The following ATG9B variants were observed in gnomAD, a reference collection of about 807,000 sequenced individuals.
ATG9B encodes autophagy related 9B.
ATG9B carries 92 observed loss-of-function variants against 92.9 expected under a neutral mutation model. The observed-to-expected ratio is 0.99, with a 90% CI of 0.84 to 1.18. ATG9B has a LOEUF of 1.18. Ranked by LOEUF, ATG9B falls within the 50% of genes most tolerant of loss-of-function variation. The pLI, the probability that ATG9B is intolerant of heterozygous loss-of-function variation, is 0.00. For synonymous variants in ATG9B, 599 were observed against 551.4 expected (o/e 1.09, Z -1.21); for missense variants, 1,344 against 1,235.0 (o/e 1.09, Z -1.32).
At chr7:151,023,778 C>T (rs779864415) in intron 1 of ATG9B, 48 bp from the exon 2 acceptor site, 6 of 1,613,390 alleles carry the variant, frequency 3.7e-6, no homozygotes, top group Non-Finnish European at 5.1e-6. Flanking sequence ...GATCAATTCT[C>T]CACGTTCTCA....
rs1432672623 is a variant in ATG9B, at chr7:151,017,875, G to C, written c.2048C>G (p.Pro683Arg). ...GGGCCAGGGAACGGCTCTGACCTGA[G>C]GGTGTCCGTGGCGCTTCACATCCAT... Reference protein sequence around the residue: ...ALMDVKRHGHPQWLSAGQTEA... With the variant: ...ALMDVKRHGHRQWLSAGQTEA... Residue 683 changes from proline to arginine, a missense_variant, in exon 8 of 14, where the codon CCT (proline) becomes CGT (arginine). Transcript: ENST00000639579. 1 of 1,606,196 alleles carries C rather than the reference G, an allele frequency of 6.2e-7. No individual in the cohort carries two copies.
At position 151,021,296 on chromosome 7, in the gene ATG9B, C is replaced by G; in HGVS notation, c.855G>C (p.Leu285=). The change falls in exon 5 of 14, where the codon CTG becomes CTC. Residue 285 remains leucine (L), a synonymous_variant. Coordinates refer to ENST00000639579, the MANE Select transcript of ATG9B (RefSeq NM_001317056.2). Reference sequence around the variant, plus strand: ...CCAGCCAGAAGCCGGCAGCCAGGACCAGGAGGAGGACCAGCAGCGGGCTGG... The same window carrying G: ...CCAGCCAGAAGCCGGCAGCCAGGACGAGGAGGAGGACCAGCAGCGGGCTGG... The part of the protein sequence containing the change: ...IRSSPLLVLL[L]VLAAGFWLVQ... 1 of 1,613,090 alleles carries G rather than the reference C, an allele frequency of 6.2e-7. No individual in the cohort carries two copies. Among genetic ancestry groups the G allele is most frequent in the Non-Finnish European group, 8.5e-7 (1 of 1,179,524 alleles).
chr7:151,014,137 G>C, downstream of ATG9B: 3 of 1,611,078 alleles, frequency 1.9e-6, no homozygotes, highest in Non-Finnish European at 2.5e-6. Flanking sequence ...CTGGGCGTTC[G>C]ACCCTCCCGG....
chr7:151,016,877 C>A, intron 9 of ATG9B, 56 bp from the exon 10 acceptor site: 1 of 1,563,970 alleles, frequency 6.4e-7, no homozygotes, highest in Non-Finnish European at 8.7e-7. Context: ...AGGACAGAAA[C>A]GGAGTAGGGA....
chr7:151,012,376 G>A (rs769964091), downstream of ATG9B: 45 of 1,582,798 alleles, frequency 2.8e-5, no homozygotes, highest in Middle Eastern at 1.7e-4. Flanking sequence ...GCTGCCACCC[G>A]ATCCCAGCTT....
intron 5 of ATG9B, 39 bp from the exon 6 acceptor site, chr7:151,019,413 C>G (rs770956326): frequency 1.3e-6 from 2 of 1,496,046 alleles, no homozygotes; most frequent in Non-Finnish European, 1.8e-6. Flanking sequence ...ACCCCCCATT[C>G]CTCTCCACAG....
downstream of ATG9B, chr7:151,014,346 C>A: frequency 2.8e-6 from 2 of 703,758 alleles, no homozygotes; most frequent in East Asian, 2.8e-5. Flanking sequence ...TTTTCCCTCT[C>A]TAGGCCTGTT....
chr7:151,016,465 G>C lies in ATG9B; in HGVS notation c.2486C>G (p.Ala829Gly). 1 of 1,551,450 alleles carries C rather than the reference G, an allele frequency of 6.4e-7. No individual in the cohort carries two copies. Among genetic ancestry groups the C allele is most frequent in the Non-Finnish European group, 8.7e-7 (1 of 1,146,972 alleles). The change falls in exon 11 of 14, where the codon GCC becomes GGC. Residue 829 changes from alanine (A) to glycine (G), a missense_variant. Coordinates refer to ENST00000639579, the MANE Select transcript of ATG9B (RefSeq NM_001317056.2). ...KLAQLPELAS[A>G]EMSLHVIYLH... ...GTAGATGACATGGAGACTCATCTCGGCAGAAGCAAGTTCTGGGAGCTGGGC... is the reference window on the plus strand; with the variant it reads ...GTAGATGACATGGAGACTCATCTCGCCAGAAGCAAGTTCTGGGAGCTGGGC...
Position 151,018,525 on chromosome 7 carries a change from A to G in ATG9B, c.1719-78T>C. The G allele has an allele frequency of 6.6e-7, 1 of 1,521,238 alleles. No individual in the cohort carries two copies. Among genetic ancestry groups the G allele is most frequent in the Non-Finnish European group, 8.8e-7 (1 of 1,136,662 alleles). 94.2% of individuals were successfully genotyped at this position (1,521,238 alleles called of 1,614,324 possible). Reference sequence around the variant, plus strand: ...GTGGGATGTAGGGCTAGAGGGCCCCAGTGGTGGGAGAGGTAAGGATTCGGG... The same window carrying G: ...GTGGGATGTAGGGCTAGAGGGCCCCGGTGGTGGGAGAGGTAAGGATTCGGG... On this transcript the variant is annotated intron_variant, in intron 6 of 13. Coordinates refer to ENST00000639579, the MANE Select transcript of ATG9B (RefSeq NM_001317056.2). The surrounding 1 kb of genome is among the most constrained non-coding windows in gnomAD (Gnocchi z 4.7).
Position 151,019,285 on chromosome 7 carries a change from G to C in ATG9B, c.1053C>G (p.Pro351=), listed in dbSNP as rs1795659749. Residue 351 remains proline (P), a synonymous_variant, in exon 6 of 14, where the codon CCC becomes CCG. Coordinates refer to ENST00000639579, the MANE Select transcript of ATG9B (RefSeq NM_001317056.2). ...RSGGLCVQPR[P]LTELDIHHRI... ...GGTGGTGGATGTCCAGCTCCGTCAG[G>C]GGCCGCGGCTGCACGCACAGGCCCC... 6.3e-7 allele frequency: 1 copy of C among 1,586,524 alleles called. No individual in the cohort carries two copies. Among genetic ancestry groups the C allele is most frequent in the African/African-American group, 1.3e-5 (1 of 74,472 alleles).
rs768066280 is a variant in ATG9B at position 151,018,937 on chromosome 7, C to T, written c.1401G>A (p.Glu467=). ...GCGCGCCAGGCTCGCGCCGCAGCAG[C>T]TCCACGTGGCTATAGAAGACGTGCA... is the stretch of plus-strand genomic sequence containing the variant. ...QVLHVFYSHV[E]LLRREPGALG... Residue 467 remains glutamate (E), a synonymous_variant, in exon 6 of 14, where the codon GAG becomes GAA. Coordinates refer to ENST00000639579, the MANE Select transcript of ATG9B (RefSeq NM_001317056.2). This position sits in a 1 kb window ranked among gnomAD's most constrained non-coding sequence, Gnocchi z 4.7. The T allele has an allele frequency of 1.9e-6, 3 of 1,553,456 alleles. No individual in the cohort carries two copies. The South Asian group carries it at 3.5e-5, about 18-fold the overall frequency.
chr7:151,016,190 C>T lies in ATG9B; in HGVS notation c.2566G>A (p.Ala856Thr). 1 of 1,523,240 alleles carries T rather than the reference C, an allele frequency of 6.6e-7. No individual in the cohort carries two copies. Among genetic ancestry groups the T allele is most frequent in the Non-Finnish European group, 8.8e-7 (1 of 1,132,016 alleles). 94.4% of individuals were successfully genotyped at this position (1,523,240 alleles called of 1,614,324 possible). The change falls in exon 12 of 14, where the codon GCC becomes ACC. Residue 856 changes from alanine to threonine, a missense_variant. Transcript: ENST00000639579. ...QQQEPWGEAA[A>T]SILSRPCSSP... is the part of the protein sequence containing the mutation. ...GAGCAGGGCCTGGACAGGATGGAGGCTGCAGCCTCACCCCACGGCTCCTGC... is the reference window on the plus strand; with the variant it reads ...GAGCAGGGCCTGGACAGGATGGAGGTTGCAGCCTCACCCCACGGCTCCTGC...
At position 151,018,942 on chromosome 7, in the gene ATG9B, C is replaced by T. The variant is rs370720172; in HGVS notation, c.1396G>A (p.Val466Met). The T allele has an allele frequency of 5.9e-5, 92 of 1,560,810 alleles. 1 individual carries two copies. In the East Asian group the frequency reaches 2.2e-3, roughly 38 times the overall value. Residue 466 changes from valine (V) to methionine (M), a missense_variant, in exon 6 of 14, where the codon GTG becomes ATG. Coordinates refer to ENST00000639579, the MANE Select transcript of ATG9B (RefSeq NM_001317056.2). This position sits in a 1 kb window ranked among gnomAD's most constrained non-coding sequence, Gnocchi z 4.7. The stretch of plus-strand genomic sequence containing the variant: ...CCAGGCTCGCGCCGCAGCAGCTCCA[C>T]GTGGCTATAGAAGACGTGCAGAACC... ...WQVLHVFYSH[V>M]ELLRREPGAL...
At chr7:151,013,262 C>T (rs756428247), downstream of ATG9B, 56 of 1,613,694 alleles carry the variant, frequency 3.5e-5, no homozygotes, top group Middle Eastern at 1.6e-4. Context: ...CTTTGGTGTT[C>T]GGCTGCCGAT....
chr7:151,014,429 G>C (rs1282778909), downstream of ATG9B: 1 of 464,156 alleles, frequency 2.2e-6, no homozygotes, highest in African/African-American at 2.0e-5. Flanking sequence ...ACTGCCACCC[G>C]CTTCCTGTTT....
chr7:151,023,401 T>A (rs368253587), intron 3 of ATG9B, 44 bp downstream of exon 3: 12 of 1,608,604 alleles, frequency 7.5e-6, no homozygotes, highest in Non-Finnish European at 1.0e-5. Context: ...AAGGAAGCCA[T>A]GGGCCCAGGG....
At chr7:151,021,363 G>T in intron 4 of ATG9B, 34 bp from the exon 5 acceptor site, 2 of 1,545,694 alleles carry the variant, frequency 1.3e-6, no homozygotes, top group Non-Finnish European at 1.7e-6. Context: ...GGGGGAGAAA[G>T]GTGGGCGCCT....
Position 151,023,745 on chromosome 7 carries a change from G to C in ATG9B, c.551-15C>G. On this transcript the variant is annotated splice_polypyrimidine_tract_variant and intron_variant, in intron 1 of 13. Transcript: ENST00000639579. ...ATGCCAGGAGCCTGGGCACAGAGGG[G>C]AGAGTGTCAGCCCCTGGCATGTGAT... is the stretch of plus-strand genomic sequence containing the variant. 6.2e-7 allele frequency: 1 copy of C among 1,613,996 alleles called. No individual in the cohort carries two copies.
intron 2 of ATG9B, 58 bp downstream of exon 2, chr7:151,023,629 G>A: frequency 2.5e-6 from 4 of 1,610,764 alleles, no homozygotes; most frequent in Admixed American, 3.3e-5. Flanking sequence ...GCCAAGAACA[G>A]TGCCAGCTCC....
Sources: allele counts gnomAD v4.1 joint callset, GRCh38; gene constraint gnomAD v4.1.1; non-coding constraint Gnocchi (gnomAD v3.1); transcripts MANE v1.5; gene names NCBI Gene and HGNC (gene_info 2026-07-23, HGNC 2026-07-21).